BANP: variants seen among roughly 807,000 people sequenced by gnomAD.
BANP encodes the protein protein BANP.
A neutral mutation model predicts 68.1 loss-of-function variants in BANP; 11 were observed. The ratio of observed to expected loss-of-function variants is 0.16; its 90% CI spans 0.10 to 0.27. BANP has a LOEUF of 0.27. Ranked by LOEUF, BANP falls within the 10% of genes least tolerant of loss-of-function variation. BANP has a pLI of 1.00. For missense variants in BANP, 504 were observed against 722.7 expected (o/e 0.70, Z 3.47); for synonymous variants, 329 against 303.2 (o/e 1.09, Z -0.88).
rs562360283 is a variant in BANP at position 88,020,463 on chromosome 16, C to T, written c.895+1796C>T. Among the ~76,000 whole-genome samples, 202 of 151,940 alleles carry T rather than the reference C, an allele frequency of 1.3e-3. 1 individual carries two copies. Among genetic ancestry groups the T allele is most frequent in the Admixed American group, 2.2e-3 (34 of 15,290 alleles). On this transcript the variant is annotated intron_variant, in intron 7 of 13. Coordinates refer to ENST00000682872, the MANE Select transcript of BANP (RefSeq NM_001386991.1). ...GCTGTGTGGATCACAGTGTGGAGTG[C>T]GTTGAGATATATAGACGAATGAGAA...
chr16:87,962,976 G>A (rs760215196), intron 1 of BANP, among the ~76,000 whole-genome samples: 2 of 152,122 alleles, frequency 1.3e-5, no homozygotes, highest in East Asian at 1.9e-4. Flanking sequence ...CTTACATCCC[G>A]AGAGGATTTG....
intron 13 of BANP, 89 bp downstream of exon 13, chr16:88,072,301 C>A (rs534469035): frequency 4.8e-6 from 7 of 1,444,086 alleles, no homozygotes; most frequent in African/African-American, 4.3e-5. Context: ...GGGGCTTTCT[C>A]GTGACTCTTC....
chr16:88,073,188 C>CTG (rs2090790957), intron 13 of BANP, among the ~76,000 whole-genome samples: 1 of 152,242 alleles, frequency 6.6e-6, no homozygotes, highest in Admixed American at 6.5e-5. Context: ...TCACGCTCAC[C>CTG]AGGGTGCGCA....
chr16:87,973,078 G>C (rs1264667437), intron 1 of BANP, among the ~76,000 whole-genome samples: 1 of 152,012 alleles, frequency 6.6e-6, no homozygotes, highest in Non-Finnish European at 1.5e-5. Context: ...ACCTCGTTCT[G>C]TTGTCGGTGT....
At chr16:88,045,098 A>G (rs2081670902) in intron 11 of BANP, among the ~76,000 whole-genome samples, 1 of 152,380 alleles carries the variant, frequency 6.6e-6, no homozygotes. Flanking sequence ...TAAAAAAATC[A>G]CATTCAATCT....
rs368544640 is a variant in BANP at position 88,066,039 on chromosome 16, C to G, written c.1377+707C>G. On this transcript the variant is annotated intron_variant, in intron 12 of 13. Coordinates refer to ENST00000682872, the MANE Select transcript of BANP (RefSeq NM_001386991.1). The stretch of plus-strand genomic sequence containing the variant: ...GGCTTTTACGAGCCTGGGATAGCGT[C>G]CGAGCAGCCTCTGTCGTCCCACTAC... 2.0e-5 allele frequency among the ~76,000 whole-genome samples: 3 copies of G among 152,312 alleles called. No individual in the cohort carries two copies. The East Asian group carries it at 5.8e-4, about 29-fold the overall frequency.
intron 1 of BANP, among the ~76,000 whole-genome samples, chr16:87,954,444 C>G (rs1024971132): frequency 3.9e-5 from 6 of 152,222 alleles, no homozygotes; most frequent in African/African-American, 1.4e-4. Flanking sequence ...CTGATGTTTA[C>G]TGTTGTCTGA....
chr16:88,069,148 G>A (rs769434206), intron 12 of BANP, among the ~76,000 whole-genome samples: 4 of 152,180 alleles, frequency 2.6e-5, no homozygotes, highest in Non-Finnish European at 4.4e-5. Context: ...GCGCGCTGTC[G>A]CTGCGGGACC....
intron 1 of BANP, among the ~76,000 whole-genome samples, chr16:87,971,163 T>C (rs936606362): frequency 6.6e-6 from 1 of 152,242 alleles, no homozygotes; most frequent in Non-Finnish European, 1.5e-5. Context: ...AACATTGGTT[T>C]TTGTTTTTGA....
At chr16:88,053,388 T>C (rs1193762168) in intron 11 of BANP, among the ~76,000 whole-genome samples, 2 of 124,672 alleles carry the variant, frequency 1.6e-5, no homozygotes, top group Non-Finnish European at 3.4e-5. Context: ...CCTCCTTCAC[T>C]ATCATCACCA....
intron 7 of BANP, among the ~76,000 whole-genome samples, chr16:88,023,218 T>A (rs1469112757): frequency 6.6e-6 from 1 of 152,154 alleles, no homozygotes; most frequent in South Asian, 2.1e-4. Flanking sequence ...GAGCAGAGCC[T>A]CCTTCTCAGC....
At chr16:88,021,859 A>T (rs544016336) in intron 7 of BANP, among the ~76,000 whole-genome samples, 176 of 152,210 alleles carry the variant, frequency 1.2e-3, no homozygotes, top group Non-Finnish European at 2.3e-3. Context: ...GAAGATTTTG[A>T]TTTAAGTTTC....
In BANP at chr16:88,057,072, C is replaced by G. The variant is rs967237294; in HGVS notation, c.1312-8195C>G. ...TTTTGGTGGGATCCAAATGTGAGAA[C>G]TTTTTCTGAATAAGGGAGTTTTGGT... On this transcript the variant is annotated intron_variant, in intron 11 of 13. Coordinates refer to ENST00000682872, the MANE Select transcript of BANP (RefSeq NM_001386991.1). The surrounding 1 kb of genome is among the most constrained non-coding windows in gnomAD (Gnocchi z 4.6). Among the ~76,000 whole-genome samples the G allele has an allele frequency of 6.6e-6, 1 of 152,252 alleles. No homozygotes were observed. Among genetic ancestry groups the G allele is most frequent in the African/African-American group, 2.4e-5 (1 of 41,572 alleles).
At chr16:88,035,950 C>G (rs1598708216) in intron 10 of BANP, among the ~76,000 whole-genome samples, 2 of 152,352 alleles carry the variant, frequency 1.3e-5, no homozygotes, top group African/African-American at 2.4e-5. Context: ...CCCGGCCACG[C>G]ACTCAGAAGT....
rs764398946 is a variant in BANP, at chr16:87,981,064, T to C, written c.99T>C (p.Asp33=). The change falls in exon 3 of 14, where the codon GAT becomes GAC. Residue 33 remains aspartate, a synonymous_variant. Transcript: ENST00000682872. ...PVVLENHVVT[D]EDEPALKRQR... ...TTTTGGAGAATCATGTAGTGACAGA[T>C]GAAGACGAACCTGCTTTGAAACGCC... is the stretch of plus-strand genomic sequence containing the variant. 10 of 1,613,946 alleles carry C rather than the reference T, an allele frequency of 6.2e-6. No individual in the cohort carries two copies. In the East Asian group the frequency reaches 1.8e-4, roughly 29 times the overall value.
At chr16:87,979,413 C>A (rs1262645290) in intron 2 of BANP, among the ~76,000 whole-genome samples, 2 of 152,098 alleles carry the variant, frequency 1.3e-5, no homozygotes, top group Non-Finnish European at 2.9e-5. Context: ...GTTGGTGTCA[C>A]AGTATAAACC....
Position 88,071,177 on chromosome 16 carries a change from CAG to C in BANP, c.1378-889_1378-888del. The C allele has an allele frequency of 3.2e-6, 1 of 317,320 alleles. No individual in the cohort carries two copies. The highest frequency in any genetic ancestry group is 2.5e-5 in the South Asian group (1 of 39,324). The allele number at this position is 317,320 out of a possible 1,614,324, so 19.7% of individuals were successfully genotyped here. On this transcript the variant is annotated intron_variant, in intron 12 of 13. Transcript: ENST00000682872. The surrounding 1 kb of genome is among the most constrained non-coding windows in gnomAD (Gnocchi z 6.5). ...GGCCACCGGTGAGACTCTCAGTGCA[CAG>C]AGTGCGGTTCTGTGTGGAGGTGTGG...
Position 88,036,883 on chromosome 16 carries a change from G to A in BANP, c.1273-1090G>A, listed in dbSNP as rs534841537. Among the ~76,000 whole-genome samples the A allele has an allele frequency of 5.3e-5, 8 of 152,276 alleles. No individual in the cohort carries two copies. Among genetic ancestry groups the A allele is most frequent in the African/African-American group, 9.6e-5 (4 of 41,550 alleles). On this transcript the variant is annotated intron_variant, in intron 10 of 13. Transcript: ENST00000682872. This position sits in a 1 kb window ranked among gnomAD's most constrained non-coding sequence, Gnocchi z 4.2. ...TCTCCTTGGAGATGTCAGGAGATGC[G>A]CCTGTCAGCTCAGCGAGGTCAGGTG...
intron 11 of BANP, among the ~76,000 whole-genome samples, chr16:88,044,839 C>T (rs1023241102): frequency 4.6e-5 from 7 of 152,116 alleles, no homozygotes; most frequent in East Asian, 3.9e-4. Context: ...AAAAATTAGC[C>T]GGTGCGGTGG....
Sources: allele counts gnomAD v4.1 joint callset (sites outside exome capture counted in the v4.1 genomes callset), GRCh38; gene constraint gnomAD v4.1.1; non-coding constraint Gnocchi (gnomAD v3.1); transcripts MANE v1.5; gene names NCBI Gene and HGNC (gene_info 2026-07-23, HGNC 2026-07-21).